ETNPPL: variants seen among roughly 807,000 people sequenced by gnomAD.
ETNPPL encodes the protein ethanolamine-phosphate phospho-lyase, also known as alanine--glyoxylate aminotransferase 2-like 1.
In ETNPPL, 30 loss-of-function variants were observed where a neutral mutation model predicts 55.5. That is an observed-to-expected ratio of 0.54 (90% confidence interval 0.40 to 0.73). The LOEUF is 0.73. Among genes scored for constraint, ETNPPL ranks in the 30% least tolerant of loss-of-function variants. ETNPPL has a pLI of 0.00. For missense variants in ETNPPL, 528 were observed against 607.9 expected (o/e 0.87, Z 1.38); for synonymous variants, 202 against 207.2 (o/e 0.98, Z 0.21).
chr4:108,762,287 A>C (rs1189579144), intron 1 of ETNPPL: 3 of 450,784 alleles, frequency 6.7e-6, no homozygotes, highest in East Asian at 1.4e-4. Context: ...GGATCTAAAT[A>C]AAGTCTCTGC....
chr4:108,762,753 C>T (rs949635901), intron 1 of ETNPPL, 90 bp downstream of exon 1: 3 of 1,460,994 alleles, frequency 2.1e-6, no homozygotes, highest in Non-Finnish European at 2.9e-6. Context: ...TGCAGCGCAT[C>T]GTTTGTTCCC....
chr4:108,760,085 G>T, intron 2 of ETNPPL, 103 bp downstream of exon 2: 1 of 1,062,944 alleles, frequency 9.4e-7, no homozygotes, highest in Non-Finnish European at 1.4e-6. Flanking sequence ...ACTCAGCAAA[G>T]GAACTGCAGC....
chr4:108,745,379 G>A (rs892330462), intron 11 of ETNPPL, among the ~76,000 whole-genome samples: 3 of 151,954 alleles, frequency 2.0e-5, no homozygotes, highest in Non-Finnish European at 2.9e-5. Context: ...AGCAGATCAC[G>A]AGGTCGGGAG....
chr4:108,759,400 C>CAA (rs59227589), intron 3 of ETNPPL, among the ~76,000 whole-genome samples: 2,408 of 69,696 alleles, frequency 0.035, 73 homozygotes, highest in Non-Finnish European at 0.052. Flanking sequence ...GGCTCCATCT[C>CAA]AAAAAAAAAA....
intron 6 of ETNPPL, among the ~76,000 whole-genome samples, chr4:108,751,310 G>A (rs1728902814): frequency 6.6e-6 from 1 of 152,170 alleles, no homozygotes; most frequent in Non-Finnish European, 1.5e-5. Context: ...GTTTCATTAG[G>A]ATGAACTGAA....
At position 108,747,987 on chromosome 4, in the gene ETNPPL, A is replaced by G. The variant is rs368445653; in HGVS notation, c.1082+18T>C. 1.1e-5 allele frequency: 18 copies of G among 1,593,856 alleles called. No individual in the cohort carries two copies. The highest frequency in any genetic ancestry group is 1.5e-5 in the Non-Finnish European group (17 of 1,170,972). On this transcript the variant is annotated intron_variant, in intron 9 of 12. Transcript: ENST00000296486. Reference sequence around the variant, plus strand: ...GAAAAAAATGAGTAACTACATGACAACTTCATAATGAACATACCTAATATC... The same window carrying G: ...GAAAAAAATGAGTAACTACATGACAGCTTCATAATGAACATACCTAATATC...
intron 7 of ETNPPL, among the ~76,000 whole-genome samples, chr4:108,750,240 C>T (rs1390952913): frequency 6.6e-6 from 1 of 152,102 alleles, no homozygotes; most frequent in Non-Finnish European, 1.5e-5. Context: ...CTGGGGAAAG[C>T]AGATCCATGC....
At chr4:108,757,416 T>A (rs1172040164) in intron 3 of ETNPPL, among the ~76,000 whole-genome samples, 2 of 152,114 alleles carry the variant, frequency 1.3e-5, no homozygotes, top group Non-Finnish European at 2.9e-5. Flanking sequence ...CAGAATAAGG[T>A]CTCATAGCTA....
intron 5 of ETNPPL, 80 bp downstream of exon 5, chr4:108,754,540 C>G (rs992272144): frequency 8.7e-6 from 7 of 807,584 alleles, no homozygotes; most frequent in Non-Finnish European, 1.5e-5. Flanking sequence ...CATGGTTCAT[C>G]TAGATGAAAG....
At chr4:108,745,950 A>AAAC (rs1728468398) in intron 11 of ETNPPL, among the ~76,000 whole-genome samples, 2 of 151,272 alleles carry the variant, frequency 1.3e-5, no homozygotes, top group African/African-American at 2.4e-5. Flanking sequence ...AAAAAAAAAA[A>AAAC]CCACGCAAAG....
chr4:108,759,400 CAAAAAAAA>C (rs59227589), intron 3 of ETNPPL, among the ~76,000 whole-genome samples: 3 of 70,282 alleles, frequency 4.3e-5, no homozygotes, highest in Non-Finnish European at 9.0e-5. Flanking sequence ...GGCTCCATCT[CAAAAAAAA>C]AAAAAAAAAA....
intron 9 of ETNPPL, among the ~76,000 whole-genome samples, chr4:108,747,230 ATATATATATAATATATATATATAT>A (rs1391596098): frequency 9.4e-4 from 24 of 25,548 alleles, no homozygotes; most frequent in African/African-American, 6.8e-3. Flanking sequence ...TATATTATAT[ATATATATATAATATATATATATAT>A]TATATATATA....
At position 108,745,879 on chromosome 4, in the gene ETNPPL, C is replaced by T. The variant is rs1243861574; in HGVS notation, c.1303+520G>A. Among the ~76,000 whole-genome samples, 3 of 135,780 alleles carry T rather than the reference C, an allele frequency of 2.2e-5. No homozygotes were observed. The East Asian group carries it at 7.0e-4, about 32-fold the overall frequency. 89.1% of individuals were successfully genotyped at this position (135,780 alleles called of 152,430 possible). ...CCGGGAGGCGGAGGCTGCAGTGAGC[C>T]GAGATCACAGCACTACACTCCAGCC... On this transcript the variant is annotated intron_variant, in intron 11 of 12. Coordinates refer to ENST00000296486, the MANE Select transcript of ETNPPL (RefSeq NM_031279.4).
At chr4:108,755,966 C>T (rs1226808520) in intron 4 of ETNPPL, among the ~76,000 whole-genome samples, 3 of 152,168 alleles carry the variant, frequency 2.0e-5, no homozygotes, top group Non-Finnish European at 4.4e-5. Flanking sequence ...TTAAATCTTA[C>T]GTGGCTGCCG....
intron 7 of ETNPPL, among the ~76,000 whole-genome samples, chr4:108,750,522 GTGTATGATATGTGATATATATACGATATA>G: frequency 6.7e-6 from 1 of 149,688 alleles, no homozygotes; most frequent in Non-Finnish European, 1.5e-5. Context: ...GTGTGTGTGT[GTGTATGATATGTGATATATATACGATATA>G]TATGATATGT....
At position 108,757,732 on chromosome 4, in the gene ETNPPL, A is replaced by C. The variant is rs542906329; in HGVS notation, c.336-1240T>G. ...AGCGGGCAGATTGCTTGAGCCCATG[A>C]GTTTGAGACCAGTCTGGGCAACATG... is the stretch of plus-strand genomic sequence containing the variant. On this transcript the variant is annotated intron_variant, in intron 3 of 12. Coordinates refer to ENST00000296486, the MANE Select transcript of ETNPPL (RefSeq NM_031279.4). 1.5e-3 allele frequency among the ~76,000 whole-genome samples: 222 copies of C among 152,152 alleles called. 1 individual carries two copies. Among genetic ancestry groups the C allele is most frequent in the African/African-American group, 5.2e-3 (215 of 41,472 alleles).
At position 108,747,225 on chromosome 4, in the gene ETNPPL, T is replaced by A. The variant is rs868129242; in HGVS notation, c.1083-374A>T. On this transcript the variant is annotated intron_variant, in intron 9 of 12. Coordinates refer to ENST00000296486, the MANE Select transcript of ETNPPL (RefSeq NM_031279.4). ...ATATATATAATATATATATATATAT[T>A]ATATATATATATATAATATATATAT... is the stretch of plus-strand genomic sequence containing the variant. 2.4e-4 allele frequency among the ~76,000 whole-genome samples: 3 copies of A among 12,634 alleles called. 1 individual carries two copies. Among genetic ancestry groups the A allele is most frequent in the Non-Finnish European group, 3.2e-4 (3 of 9,414 alleles). The allele number at this position is 12,634 out of a possible 152,430, so 8.3% of individuals were successfully genotyped here.
chr4:108,754,586 C>T (rs746206876), intron 5 of ETNPPL, 34 bp downstream of exon 5: 33 of 1,112,052 alleles, frequency 3.0e-5, no homozygotes, highest in Non-Finnish European at 4.0e-5. Flanking sequence ...TCCTCCAATA[C>T]AAACATTCTG....
intron 11 of ETNPPL, 39 bp from the exon 12 acceptor site, chr4:108,743,895 A>G (rs1728336878): frequency 2.1e-6 from 3 of 1,417,776 alleles, no homozygotes; most frequent in South Asian, 1.2e-5. Context: ...ACAAAATAAC[A>G]TAAAAACCTT....
Sources: gnomAD v4.1 joint callset for allele counts (sites outside exome capture counted in the v4.1 genomes callset) on GRCh38, gnomAD v4.1.1 for gene constraint, MANE v1.5 for transcripts, NCBI Gene and HGNC (gene_info 2026-07-23, HGNC 2026-07-21) for gene names.